ZNF367: variants seen among roughly 807,000 people sequenced by gnomAD.
ZNF367 encodes the protein C2H2 zinc finger protein ZFF29.
A neutral mutation model predicts 31.8 loss-of-function variants in ZNF367; 11 were observed. The observed-to-expected ratio is 0.35, with a 90% confidence interval of 0.22 to 0.57. ZNF367 has a LOEUF of 0.57. Ranked by LOEUF, ZNF367 falls within the 20% of genes least tolerant of loss-of-function variation. The pLI is 0.85. For synonymous variants in ZNF367, 199 were observed against 202.4 expected, an observed-to-expected ratio of 0.98 and a Z score of 0.14; for missense variants, 353 against 484.1, an observed-to-expected ratio of 0.73 and a Z score of 2.54.
intron 1 of ZNF367, among the ~76,000 whole-genome samples, chr9:96,411,572 AAAAT>A (rs1387945359): frequency 6.6e-6 from 1 of 152,044 alleles, no homozygotes; most frequent in East Asian, 1.9e-4. Context: ...AAAAACATAA[AAAAT>A]AAGTAAACAA....
At chr9:96,393,042 G>A (rs1204817174) in intron 3 of ZNF367, among the ~76,000 whole-genome samples, 2 of 152,140 alleles carry the variant, frequency 1.3e-5, no homozygotes, top group African/African-American at 2.4e-5. Flanking sequence ...CCGAGATCAC[G>A]CCATTGCACT....
rs530539449 is a variant in ZNF367 at position 96,412,275 on chromosome 9, T to C, written c.420+5338A>G. Among the ~76,000 whole-genome samples the C allele has an allele frequency of 5.9e-5, 9 of 152,326 alleles. No individual in the cohort carries two copies. In the South Asian group the frequency reaches 1.2e-3, roughly 21 times the overall value. ...GATTCGCAACACAAAATTATTAAAT[T>C]GCCAAAAACTTTTGCATACCTTAGT... is the stretch of plus-strand genomic sequence containing the variant. On this transcript the variant is annotated intron_variant, in intron 1 of 4. Transcript: ENST00000375256.
chr9:96,399,316 T>C (rs950889996), intron 1 of ZNF367, among the ~76,000 whole-genome samples: 5 of 152,106 alleles, frequency 3.3e-5, no homozygotes, highest in Non-Finnish European at 5.9e-5. Flanking sequence ...GTGGTTGTCC[T>C]CCTTTCTGTC....
rs139390717 is a variant in ZNF367, at chr9:96,404,327, G to A, written c.421-6013C>T. ...TACAAAAACTTGGCCAGGCGCAGTGGCTCACGCCTATAATCCCAGCACTTT... is the reference window on the plus strand; with the variant it reads ...TACAAAAACTTGGCCAGGCGCAGTGACTCACGCCTATAATCCCAGCACTTT... On this transcript the variant is annotated intron_variant, in intron 1 of 4. Transcript: ENST00000375256. 4.9e-3 allele frequency among the ~76,000 whole-genome samples: 740 copies of A among 152,286 alleles called. 4 individuals carry two copies. The highest frequency in any genetic ancestry group is 0.016 in the South Asian group (76 of 4,824).
At chr9:96,408,542 A>G (rs1307352926) in intron 1 of ZNF367, among the ~76,000 whole-genome samples, 2 of 152,212 alleles carry the variant, frequency 1.3e-5, no homozygotes, top group African/African-American at 4.8e-5. Context: ...CAAATACTGC[A>G]TAATTTTACC....
chr9:96,410,285 G>C, intron 1 of ZNF367, among the ~76,000 whole-genome samples: 1 of 150,306 alleles, frequency 6.7e-6, no homozygotes, highest in Non-Finnish European at 1.5e-5. Flanking sequence ...GGCCTGGCTG[G>C]GCGTGGTGGC....
At position 96,387,297 on chromosome 9, in the gene ZNF367, C is replaced by T. The variant is rs1831416947; in HGVS notation, c.*940G>A. The T allele has an allele frequency of 1.3e-5, 2 of 152,118 alleles. No individual in the cohort carries two copies. The highest frequency in any genetic ancestry group is 4.8e-5 in the African/African-American group (2 of 41,430). 9.4% of individuals were successfully genotyped at this position (152,118 alleles called of 1,614,324 possible). The stretch of plus-strand genomic sequence containing the variant: ...TGGAGGCTTCCATTTGCTAATAATT[C>T]TAAACAAGCAGTACAATTAAAATGT... On this transcript the variant is annotated 3_prime_UTR_variant, in exon 5 of 5. Coordinates refer to ENST00000375256, the MANE Select transcript of ZNF367 (RefSeq NM_153695.4).
intron 1 of ZNF367, among the ~76,000 whole-genome samples, chr9:96,414,990 T>G (rs78311339): frequency 1.1e-4 from 17 of 152,042 alleles, no homozygotes; most frequent in Non-Finnish European, 2.2e-4. Flanking sequence ...TAATTTAGTG[T>G]TTTTTTTAAA....
chr9:96,404,460 G>T (rs1367873268), intron 1 of ZNF367, among the ~76,000 whole-genome samples: 1 of 152,068 alleles, frequency 6.6e-6, no homozygotes, highest in African/African-American at 2.4e-5. Context: ...GGGCGCGGTG[G>T]CGGGCACCTG....
intron 1 of ZNF367, among the ~76,000 whole-genome samples, chr9:96,399,517 T>TA (rs935163711): frequency 6.6e-6 from 1 of 152,020 alleles, no homozygotes; most frequent in Middle Eastern, 3.4e-3. Flanking sequence ...ACCCCATCTC[T>TA]AAAAAACAAA....
chr9:96,397,062 T>C (rs1831540945), intron 2 of ZNF367, among the ~76,000 whole-genome samples: 1 of 151,952 alleles, frequency 6.6e-6, no homozygotes, highest in Non-Finnish European at 1.5e-5. Context: ...TGTTTACTCT[T>C]TTTTTCATAT....
chr9:96,394,179 G>C (rs192316165), intron 3 of ZNF367, among the ~76,000 whole-genome samples: 1 of 152,084 alleles, frequency 6.6e-6, no homozygotes, highest in Non-Finnish European at 1.5e-5. Context: ...GCCCTTTAAG[G>C]TTTCATCAAA....
In ZNF367 at chr9:96,399,011, G is replaced by C. The variant is rs79617583; in HGVS notation, c.421-697C>G. On this transcript the variant is annotated intron_variant, in intron 1 of 4. Coordinates refer to ENST00000375256, the MANE Select transcript of ZNF367 (RefSeq NM_153695.4). The stretch of plus-strand genomic sequence containing the variant: ...TAATCTGCAGCCACCTGGGGCAAAA[G>C]ATTTCAGTTGAAGCAAACAGACACA... Among the ~76,000 whole-genome samples, 1,409 of 152,206 alleles carry C rather than the reference G, an allele frequency of 9.3e-3. 20 individuals are homozygous for C. The highest frequency in any genetic ancestry group is 0.031 in the African/African-American group (1,291 of 41,530).
At chr9:96,405,029 T>C (rs1831654141) in intron 1 of ZNF367, among the ~76,000 whole-genome samples, 1 of 152,098 alleles carries the variant, frequency 6.6e-6, no homozygotes. Flanking sequence ...CATAAAAAGA[T>C]GCTGAAAATC....
Position 96,417,818 on chromosome 9 carries a change from C to A in ZNF367, c.215G>T (p.Arg72Leu), listed in dbSNP as rs1831854187. 7.0e-7 allele frequency: 1 copy of A among 1,429,678 alleles called. No homozygotes were observed. Among genetic ancestry groups the A allele is most frequent in the South Asian group, 1.5e-5 (1 of 66,580 alleles). The allele number at this position is 1,429,678 out of a possible 1,614,324, so 88.6% of individuals were successfully genotyped here. A position where few individuals can be genotyped will look rare whatever the true frequency, so the allele number is the denominator to read the frequency against. The part of the protein sequence containing the change: ...GFSDFMVYPW[R>L]WGENAHNVTL... Reference sequence around the variant, plus strand: ...CACGTTGTGTGCGTTCTCGCCCCAGCGCCACGGGTACACCATGAAGTCGCT... The same window carrying A: ...CACGTTGTGTGCGTTCTCGCCCCAGAGCCACGGGTACACCATGAAGTCGCT... The change falls in exon 1 of 5, where the codon CGC becomes CTC. Residue 72 changes from arginine (R) to leucine (L), a missense_variant. Physicochemically the swap from Arg to Leu is moderately radical, Grantham distance 102 (BLOSUM62 -2). Transcript: ENST00000375256. The surrounding 1 kb of genome is among the most constrained non-coding windows in gnomAD (Gnocchi z 5.0).
chr9:96,408,158 A>G (rs1332228098), intron 1 of ZNF367, among the ~76,000 whole-genome samples: 1 of 152,132 alleles, frequency 6.6e-6, no homozygotes, highest in East Asian at 1.9e-4. Flanking sequence ...ACATGTATAC[A>G]TATGGAACAA....
At chr9:96,412,924 C>T (rs1033147845) in intron 1 of ZNF367, among the ~76,000 whole-genome samples, 3 of 152,062 alleles carry the variant, frequency 2.0e-5, no homozygotes, top group Non-Finnish European at 4.4e-5. Context: ...TCTCAAACTC[C>T]TGGCCTCAAG....
rs191808736 is a variant in ZNF367 at position 96,401,894 on chromosome 9, G to A, written c.421-3580C>T. 2.7e-3 allele frequency among the ~76,000 whole-genome samples: 412 copies of A among 152,042 alleles called. 1 individual carries two copies. Among genetic ancestry groups the A allele is most frequent in the Middle Eastern group, 6.8e-3 (2 of 292 alleles). ...TGTGCCTATAGTCCCAGCTACTCAG[G>A]AGGCTGAGGCAGGAGGATCACTTGA... On this transcript the variant is annotated intron_variant, in intron 1 of 4. Coordinates refer to ENST00000375256, the MANE Select transcript of ZNF367 (RefSeq NM_153695.4).
intron 1 of ZNF367, among the ~76,000 whole-genome samples, chr9:96,405,066 A>AATCC (rs1275009527): frequency 6.6e-6 from 1 of 152,216 alleles, no homozygotes; most frequent in African/African-American, 2.4e-5. Context: ...TCACGCCTGT[A>AATCC]ATCCCAGCAC....
Sources: gnomAD v4.1 joint callset for allele counts (sites outside exome capture counted in the v4.1 genomes callset) on GRCh38, gnomAD v4.1.1 for gene constraint, Gnocchi (gnomAD v3.1) non-coding constraint, MANE v1.5 for transcripts, NCBI Gene and HGNC (gene_info 2026-07-23, HGNC 2026-07-21) for gene names.